ZMAT4: variants seen among roughly 807,000 people sequenced by gnomAD.
ZMAT4 encodes zinc finger matrin-type protein 4.
A neutral mutation model predicts 28.7 loss-of-function variants in ZMAT4; 17 were observed. The ratio of observed to expected loss-of-function variants is 0.59; its 90% CI spans 0.41 to 0.89. The LOEUF (loss-of-function observed/expected upper bound fraction) is 0.89, where lower values mean the gene tolerates loss of function less well. Ranked by LOEUF, ZMAT4 falls within the 40% of genes least tolerant of loss-of-function variation. The pLI, the probability that ZMAT4 is intolerant of heterozygous loss-of-function variation, is 0.00. For synonymous variants in ZMAT4, 117 were observed against 109.2 expected (o/e 1.07, Z -0.44); for missense variants, 240 against 283.8 (o/e 0.85, Z 1.11).
At chr8:40,862,584 T>TAAAAAAAAAAAAAAAAAAAAAAAATAAA (rs398007582) in intron 1 of ZMAT4, among the ~76,000 whole-genome samples, 1 of 109,952 alleles carries the variant, frequency 9.1e-6, no homozygotes, top group Admixed American at 1.0e-4. Context: ...AAAAAAAAAT[T>TAAAAAAAAAAAAAAAAAAAAAAAATAAA]AAAAAAAAAA....
chr8:40,750,974 T>C (rs1394843450), intron 3 of ZMAT4, among the ~76,000 whole-genome samples: 2 of 152,246 alleles, frequency 1.3e-5, no homozygotes, highest in East Asian at 3.8e-4. Context: ...GCCCATTTAG[T>C]GTGTCAAAGG....
chr8:40,751,780 C>T (rs1812463082), intron 3 of ZMAT4, among the ~76,000 whole-genome samples: 1 of 152,052 alleles, frequency 6.6e-6, no homozygotes, highest in Admixed American at 6.6e-5. Flanking sequence ...AATTCTGTTG[C>T]TCTGTAAGAC....
At chr8:40,866,590 CT>C (rs996530951) in intron 1 of ZMAT4, among the ~76,000 whole-genome samples, 35 of 152,080 alleles carry the variant, frequency 2.3e-4, no homozygotes, top group African/African-American at 6.3e-4. Flanking sequence ...GCTGTTTTAT[CT>C]TTTTTTCCCC....
At chr8:40,835,151 G>A (rs1053723330) in intron 1 of ZMAT4, among the ~76,000 whole-genome samples, 2 of 152,156 alleles carry the variant, frequency 1.3e-5, no homozygotes, top group East Asian at 1.9e-4. Context: ...CAGGTGGAGA[G>A]CTTGGATTTT....
At chr8:40,602,913 A>G (rs895448486) in intron 5 of ZMAT4, among the ~76,000 whole-genome samples, 1 of 152,106 alleles carries the variant, frequency 6.6e-6, no homozygotes, top group South Asian at 2.1e-4. Flanking sequence ...TTTTAGTTTA[A>G]TTAAGTCCCA....
At chr8:40,858,594 C>T (rs1817381192) in intron 1 of ZMAT4, among the ~76,000 whole-genome samples, 1 of 152,164 alleles carries the variant, frequency 6.6e-6, no homozygotes, top group African/African-American at 2.4e-5. Flanking sequence ...TGCCTTGACC[C>T]AGAGGAATGA....
chr8:40,615,117 C>T (rs1053865328), intron 5 of ZMAT4, among the ~76,000 whole-genome samples: 2 of 151,828 alleles, frequency 1.3e-5, no homozygotes, highest in Admixed American at 6.6e-5. Context: ...TTAGGGCAGG[C>T]CTGGTGGTGA....
chr8:40,755,425 T>C (rs185446610), intron 3 of ZMAT4, among the ~76,000 whole-genome samples: 1 of 152,140 alleles, frequency 6.6e-6, no homozygotes, highest in African/African-American at 2.4e-5. Context: ...CCAATAAGAT[T>C]TTCTATTTAT....
chr8:40,747,717 T>C (rs35499096), intron 3 of ZMAT4, among the ~76,000 whole-genome samples: 15,118 of 152,122 alleles, frequency 0.099, 894 homozygotes, highest in South Asian at 0.17. Context: ...CCATCTTGAA[T>C]TTTTTCATCC....
chr8:40,768,411 T>C (rs1027757292), intron 2 of ZMAT4, among the ~76,000 whole-genome samples: 1 of 152,210 alleles, frequency 6.6e-6, no homozygotes, highest in Non-Finnish European at 1.5e-5. Flanking sequence ...ATGGAGAAAC[T>C]GATGCCTTCT....
chr8:40,601,601 AG>A (rs1563360536), intron 5 of ZMAT4, among the ~76,000 whole-genome samples: 2 of 8,028 alleles, frequency 2.5e-4, no homozygotes, highest in Non-Finnish European at 6.5e-4. Context: ...AAAGAAAGAA[AG>A]AAAGAAAGAA....
rs559741020 is a variant in ZMAT4 at position 40,532,090 on chromosome 8, G to A, written c.*133C>T. ...TCATTTCCAAAAATCAAGATCAGTCGTATGTGAATCTGTGAATCCTTATAA... is the reference window on the plus strand; with the variant it reads ...TCATTTCCAAAAATCAAGATCAGTCATATGTGAATCTGTGAATCCTTATAA... On this transcript the variant is annotated 3_prime_UTR_variant, in exon 7 of 7. Coordinates refer to ENST00000297737, the MANE Select transcript of ZMAT4 (RefSeq NM_024645.3). The A allele has an allele frequency of 2.2e-5, 17 of 762,044 alleles. No individual in the cohort carries two copies. Among genetic ancestry groups the A allele is most frequent in the East Asian group, 9.5e-5 (3 of 31,518 alleles). 47.2% of individuals were successfully genotyped at this position (762,044 alleles called of 1,614,324 possible).
intron 5 of ZMAT4, among the ~76,000 whole-genome samples, chr8:40,653,662 C>T (rs1807786475): frequency 1.3e-5 from 2 of 152,098 alleles, no homozygotes; most frequent in African/African-American, 4.8e-5. Flanking sequence ...ATAAGACAAC[C>T]TACTTAAAAC....
At chr8:40,685,056 A>G (rs1809339634) in intron 4 of ZMAT4, among the ~76,000 whole-genome samples, 1 of 152,188 alleles carries the variant, frequency 6.6e-6, no homozygotes, top group Admixed American at 6.5e-5. Context: ...TTAGTTATGC[A>G]TATATTTTGC....
At chr8:40,543,128 G>T (rs1803095928) in intron 6 of ZMAT4, among the ~76,000 whole-genome samples, 1 of 151,734 alleles carries the variant, frequency 6.6e-6, no homozygotes, top group South Asian at 2.1e-4. Flanking sequence ...GAGTTTACGT[G>T]CCATCCAGCA....
intron 3 of ZMAT4, among the ~76,000 whole-genome samples, chr8:40,703,899 C>T (rs945992219): frequency 6.6e-6 from 1 of 152,106 alleles, no homozygotes; most frequent in Admixed American, 6.6e-5. Context: ...TTTCAGGAAG[C>T]GAATCATAAT....
chr8:40,722,366 C>T (rs148515467), intron 3 of ZMAT4, among the ~76,000 whole-genome samples: 4 of 152,096 alleles, frequency 2.6e-5, no homozygotes, highest in South Asian at 2.1e-4. Context: ...CCAGGCCATG[C>T]GACTGTAATT....
In ZMAT4 at chr8:40,674,809, G is replaced by A. The variant is rs1463913916; in HGVS notation, c.472C>T (p.Leu158=). The A allele has an allele frequency of 1.2e-6, 2 of 1,613,976 alleles. No homozygotes were observed. The highest frequency in any genetic ancestry group is 2.7e-5 in the African/African-American group (2 of 75,024). ...CCATCATAATGTTGCTGGGCCATCA[G>A]AGGGTTATTAAACCAGGCTGCACAG... ...GLCAAWFNNP[L]MAQQHYDGKK... Residue 158 remains leucine, a synonymous_variant, in exon 5 of 7, where the codon CTG becomes TTG. Transcript: ENST00000297737.
At chr8:40,615,665 A>G (rs1046397477) in intron 5 of ZMAT4, among the ~76,000 whole-genome samples, 3 of 151,878 alleles carry the variant, frequency 2.0e-5, no homozygotes, top group African/African-American at 7.3e-5. Context: ...TTCTCGCTTC[A>G]TTTCATTCAT....
Sources: allele counts gnomAD v4.1 joint callset (sites outside exome capture counted in the v4.1 genomes callset), GRCh38; gene constraint gnomAD v4.1.1; transcripts MANE v1.5; gene names NCBI Gene and HGNC (gene_info 2026-07-23, HGNC 2026-07-21).